PRXL2C: variants seen among roughly 807,000 people sequenced by gnomAD.
The protein encoded by PRXL2C is peroxiredoxin like 2C.
PRXL2C carries 38 observed loss-of-function variants against 24.9 expected under a neutral mutation model. The observed-to-expected ratio is 1.53, with a 90% CI of 1.18 to 2.00. The LOEUF (loss-of-function observed/expected upper bound fraction) is 2.00, where lower values mean the gene tolerates loss of function less well. Ranked by LOEUF, PRXL2C falls within the 30% of genes most tolerant of loss-of-function variation. PRXL2C has a pLI of 0.00. For missense variants in PRXL2C, 294 were observed against 290.9 expected (o/e 1.01, Z -0.08); for synonymous variants, 98 against 117.2 (o/e 0.84, Z 1.06).
At chr9:96,645,118 C>G (rs1038733661) in intron 5 of PRXL2C, among the ~76,000 whole-genome samples, 1 of 151,192 alleles carries the variant, frequency 6.6e-6, no homozygotes, top group African/African-American at 2.4e-5. Flanking sequence ...ACCGTGTTAG[C>G]CAGGATGGTC....
rs1848326317 is a variant in PRXL2C at position 96,654,738 on chromosome 9, C to A, written c.228G>T (p.Glu76Asp). Residue 76 changes from glutamate to aspartate, a missense_variant, in exon 2 of 6, where the codon GAG becomes GAT. Physicochemically the swap from Glu to Asp is conservative, Grantham distance 45. Coordinates refer to ENST00000375234, the MANE Select transcript of PRXL2C (RefSeq NM_153698.2). ...FLCYICKEYV[E>D]DLAKIPRSFL... is the part of the protein sequence containing the mutation. The stretch of plus-strand genomic sequence containing the variant: ...AACTCCTGGGGATTTTGGCCAGATC[C>A]TCTACGTATTCCTTGCAGATGTAAC... The A allele has an allele frequency of 2.6e-6, 4 of 1,567,180 alleles. No homozygotes were observed. The highest frequency in any genetic ancestry group is 2.3e-5 in the East Asian group (1 of 43,022).
chr9:96,655,235 G>C lies in PRXL2C; in HGVS notation c.47C>G (p.Ala16Gly), dbSNP rs949339720. 19 of 1,135,320 alleles carry C rather than the reference G, an allele frequency of 1.7e-5. No homozygotes were observed. In the African/African-American group the frequency reaches 2.9e-4, roughly 18 times the overall value. The allele number at this position is 1,135,320 out of a possible 1,614,324, so 70.3% of individuals were successfully genotyped here. ...GGGGCCGCTCGGGGCCGGGACCAGG[G>C]CGGCGGCGCCGCTAACCTGCCGCGT... ...PVTRQVSGAA[A>G]LVPAPSGPDS... The change falls in exon 1 of 6, where the codon GCC becomes GGC. Residue 16 changes from alanine to glycine, a missense_variant. Ala to Gly is a moderately conservative substitution (Grantham distance 60, BLOSUM62 0). Transcript: ENST00000375234.
At chr9:96,652,949 C>A (rs1398889245) in intron 2 of PRXL2C, among the ~76,000 whole-genome samples, 3 of 152,080 alleles carry the variant, frequency 2.0e-5, no homozygotes, top group African/African-American at 7.2e-5. Context: ...CGGTATCGGC[C>A]GGGCGCGGTG....
chr9:96,645,745 C>T (rs993535681), intron 5 of PRXL2C, 148 bp downstream of exon 5: 5 of 864,762 alleles, frequency 5.8e-6, no homozygotes, highest in East Asian at 3.0e-5. Flanking sequence ...TGCAGTGAGC[C>T]GAGATTGCGC....
At chr9:96,652,950 G>A (rs551881068) in intron 2 of PRXL2C, among the ~76,000 whole-genome samples, 2 of 152,130 alleles carry the variant, frequency 1.3e-5, no homozygotes, top group Admixed American at 6.6e-5. Flanking sequence ...GGTATCGGCC[G>A]GGCGCGGTGG....
Position 96,641,654 on chromosome 9 carries a change from G to T in PRXL2C, c.*105C>A. 1 of 1,202,028 alleles carries T rather than the reference G, an allele frequency of 8.3e-7. No homozygotes were observed. The highest frequency in any genetic ancestry group is 1.1e-6 in the Non-Finnish European group (1 of 909,026). 74.5% of individuals were successfully genotyped at this position (1,202,028 alleles called of 1,614,324 possible). A position where few individuals can be genotyped will look rare whatever the true frequency, so the allele number is the denominator to read the frequency against. On this transcript the variant is annotated 3_prime_UTR_variant, in exon 6 of 6. Coordinates refer to ENST00000375234, the MANE Select transcript of PRXL2C (RefSeq NM_153698.2). ...TTTATGCTTCCCTAACTCCTCAAAG[G>T]CTGGGAAGGGACAGCAGGTTAGACA...
intron 4 of PRXL2C, 24 bp from the exon 5 acceptor site, chr9:96,646,048 A>T: frequency 6.3e-7 from 1 of 1,576,736 alleles, no homozygotes; most frequent in Non-Finnish European, 8.6e-7. Context: ...AATTGTCTTT[A>T]GATGTCATTT....
At chr9:96,652,520 C>CAA (rs1254621971) in intron 2 of PRXL2C, among the ~76,000 whole-genome samples, 9 of 56,388 alleles carry the variant, frequency 1.6e-4, no homozygotes, top group African/African-American at 4.4e-4. Flanking sequence ...GACTCCGCCT[C>CAA]AAAAAAAAAA....
chr9:96,646,125 A>C, intron 4 of PRXL2C, 101 bp from the exon 5 acceptor site: 1 of 1,264,210 alleles, frequency 7.9e-7, no homozygotes, highest in East Asian at 2.6e-5. Flanking sequence ...CCTTTAAAGA[A>C]TGGTTTCTCA....
At position 96,655,290 on chromosome 9, in the gene PRXL2C, G is replaced by A; in HGVS notation, c.-9C>T. ...GGGGCCGGCGCGGCCATGACGCGGG[G>A]CGGCCGAGGGCCTGGGTCCGCTCTG... On this transcript the variant is annotated 5_prime_UTR_variant, in exon 1 of 6. Coordinates refer to ENST00000375234, the MANE Select transcript of PRXL2C (RefSeq NM_153698.2). 1 of 1,050,284 alleles carries A rather than the reference G, an allele frequency of 9.5e-7. No individual in the cohort carries two copies. Among genetic ancestry groups the A allele is most frequent in the Non-Finnish European group, 1.1e-6 (1 of 873,484 alleles). The allele number at this position is 1,050,284 out of a possible 1,614,324, so 65.1% of individuals were successfully genotyped here.
chr9:96,641,926 A>G, intron 5 of PRXL2C, 40 bp from the exon 6 acceptor site: 1 of 1,402,190 alleles, frequency 7.1e-7, no homozygotes, highest in Non-Finnish European at 9.4e-7. Flanking sequence ...GCATAGTATT[A>G]TTCATCAGAT....
At position 96,651,655 on chromosome 9, in the gene PRXL2C, T is replaced by G; in HGVS notation, c.315+4A>C. 1 of 1,606,414 alleles carries G rather than the reference T, an allele frequency of 6.2e-7. No homozygotes were observed. The highest frequency in any genetic ancestry group is 8.5e-7 in the Non-Finnish European group (1 of 1,174,818). ...ATTAGTCTCCCAATGTACTAGATATTTACCTCAATATGATGGTAGGATGAC... is the reference window on the plus strand; with the variant it reads ...ATTAGTCTCCCAATGTACTAGATATGTACCTCAATATGATGGTAGGATGAC... On this transcript the variant is annotated splice_donor_region_variant and intron_variant, in intron 3 of 5. Transcript: ENST00000375234.
intron 2 of PRXL2C, among the ~76,000 whole-genome samples, chr9:96,654,336 T>G (rs2119195018): frequency 6.6e-6 from 1 of 152,318 alleles, no homozygotes; most frequent in South Asian, 2.1e-4. Context: ...ACATAAACAT[T>G]TGCACCTTTA....
At chr9:96,645,180 A>G (rs1848178749) in intron 5 of PRXL2C, among the ~76,000 whole-genome samples, 1 of 151,552 alleles carries the variant, frequency 6.6e-6, no homozygotes, top group Non-Finnish European at 1.5e-5. Flanking sequence ...AAGTGCTGGG[A>G]TTACAGGCGT....
At chr9:96,645,241 G>A (rs911637806) in intron 5 of PRXL2C, among the ~76,000 whole-genome samples, 2 of 151,692 alleles carry the variant, frequency 1.3e-5, no homozygotes, top group Admixed American at 6.6e-5. Flanking sequence ...GGCACGTGAC[G>A]ATTTTCCCCT....
In PRXL2C at chr9:96,641,688, G is replaced by C; in HGVS notation, c.*71C>G. On this transcript the variant is annotated 3_prime_UTR_variant, in exon 6 of 6. Transcript: ENST00000375234. ...GGACAGCAGGTTAGACACTGCACGA[G>C]GATATTACACCCAGGCATTGAAGGT... 6.9e-7 allele frequency: 1 copy of C among 1,443,202 alleles called. No individual in the cohort carries two copies. Among genetic ancestry groups the C allele is most frequent in the Non-Finnish European group, 9.3e-7 (1 of 1,074,434 alleles). The allele number at this position is 1,443,202 out of a possible 1,614,324, so 89.4% of individuals were successfully genotyped here.
intron 5 of PRXL2C, among the ~76,000 whole-genome samples, chr9:96,643,658 C>T (rs1848149963): frequency 6.6e-6 from 1 of 152,170 alleles, no homozygotes; most frequent in African/African-American, 2.4e-5. Context: ...ATAAGTTGTT[C>T]AGAAATATGG....
In PRXL2C at chr9:96,645,839, G is replaced by T. The variant is rs1257503937; in HGVS notation, c.553+54C>A. The T allele has an allele frequency of 3.3e-6, 5 of 1,512,292 alleles. No individual in the cohort carries two copies. In the East Asian group the frequency reaches 9.6e-5, roughly 29 times the overall value. The allele number at this position is 1,512,292 out of a possible 1,614,324, so 93.7% of individuals were successfully genotyped here. ...AAAAGAAAAGAAAATGGCGGCCTCT[G>T]AACTTGTAAAAAGCACAAGACGTCT... On this transcript the variant is annotated intron_variant, in intron 5 of 5. Coordinates refer to ENST00000375234, the MANE Select transcript of PRXL2C (RefSeq NM_153698.2).
intron 2 of PRXL2C, 144 bp from the exon 3 acceptor site, chr9:96,651,856 T>C: frequency 1.7e-6 from 1 of 602,038 alleles, no homozygotes; most frequent in Non-Finnish European, 2.8e-6. Context: ...ATTGTGTGAG[T>C]TAATGCAAAG....
Sources: allele counts gnomAD v4.1 joint callset (sites outside exome capture counted in the v4.1 genomes callset), GRCh38; gene constraint gnomAD v4.1.1; transcripts MANE v1.5; gene names NCBI Gene and HGNC (gene_info 2026-07-23, HGNC 2026-07-21).